The following AKR1C3 variants were observed in gnomAD, a reference collection of about 807,000 sequenced individuals.
The protein encoded by AKR1C3 is 3-alpha hydroxysteroid dehydrogenase, type II.
A neutral mutation model predicts 43.6 loss-of-function variants in AKR1C3; 48 were observed. The observed-to-expected ratio is 1.10, with a 90% CI of 0.87 to 1.40. AKR1C3 has a LOEUF of 1.40. Ranked by LOEUF, AKR1C3 falls within the 40% of genes most tolerant of loss-of-function variation. The pLI, the probability that AKR1C3 is intolerant of heterozygous loss-of-function variation, is 0.00. For synonymous variants in AKR1C3, 162 were observed against 139.6 expected, an observed-to-expected ratio of 1.16 and a Z score of -1.13; for missense variants, 482 against 391.2, an observed-to-expected ratio of 1.23 and a Z score of -1.96.
chr10:5,052,904 C>T (rs1838181499), intron 1 of AKR1C3, among the ~76,000 whole-genome samples: 1 of 149,816 alleles, frequency 6.7e-6, no homozygotes, highest in African/African-American at 2.5e-5. Context: ...TTTACAATCC[C>T]TTAGCTAGAC....
chr10:5,094,208 A>G (rs1839157566), upstream of AKR1C3: 2 of 308,610 alleles, frequency 6.5e-6, no homozygotes, highest in Non-Finnish European at 6.1e-6. Context: ...TAATGAGTTT[A>G]TTATAACCAT....
chr10:5,053,345 G>A (rs1334908364), intron 1 of AKR1C3, among the ~76,000 whole-genome samples: 2 of 152,234 alleles, frequency 1.3e-5, no homozygotes, highest in Non-Finnish European at 2.9e-5. Context: ...GCTGGCCCAG[G>A]TGCTAAGCCC....
rs972053379 is a variant in AKR1C3, at chr10:5,107,328, G to C, written c.930-133G>C. The C allele has an allele frequency of 1.7e-5, 11 of 661,038 alleles. No individual in the cohort carries two copies. In the East Asian group the frequency reaches 3.2e-4, roughly 19 times the overall value. 40.9% of individuals were successfully genotyped at this position (661,038 alleles called of 1,614,324 possible). The stretch of plus-strand genomic sequence containing the variant: ...TGTATTATGAAGCCATGTTCATAAA[G>C]GTAAGAAAGGCAGATTCTACAACTA... On this transcript the variant is annotated intron_variant, in intron 8 of 8. Coordinates refer to ENST00000380554, the MANE Select transcript of AKR1C3 (RefSeq NM_003739.6).
chr10:5,075,738 G>A (rs1471495837), intron 1 of AKR1C3, among the ~76,000 whole-genome samples: 1 of 152,136 alleles, frequency 6.6e-6, no homozygotes, highest in Non-Finnish European at 1.5e-5. Flanking sequence ...GCCGGGCATG[G>A]TGGTGCATGC....
At chr10:5,073,998 G>A (rs149988679) in intron 1 of AKR1C3, among the ~76,000 whole-genome samples, 48 of 151,564 alleles carry the variant, frequency 3.2e-4, no homozygotes, top group African/African-American at 8.5e-4. Context: ...AAAGTCACCC[G>A]TCTGCTCACC....
chr10:5,060,750 TG>T (rs1838366840), intron 1 of AKR1C3, among the ~76,000 whole-genome samples: 1 of 150,574 alleles, frequency 6.6e-6, no homozygotes, highest in Non-Finnish European at 1.5e-5. Flanking sequence ...TGGCACTTGT[TG>T]GGGAGGCTCA....
chr10:5,069,508 T>G (rs66500137), intron 1 of AKR1C3, among the ~76,000 whole-genome samples: 11,554 of 152,258 alleles, frequency 0.076, 614 homozygotes, highest in Non-Finnish European at 0.11. Flanking sequence ...TTCCAGCACA[T>G]TTTGCCTACT....
chr10:5,103,751 A>G (rs1403509104), intron 7 of AKR1C3, among the ~76,000 whole-genome samples: 3 of 152,306 alleles, frequency 2.0e-5, no homozygotes, highest in East Asian at 3.9e-4. Context: ...GCTTCTGGCA[A>G]ATATTACCCA....
chr10:5,055,250 G>A (rs1339052929), intron 1 of AKR1C3, among the ~76,000 whole-genome samples: 2 of 152,200 alleles, frequency 1.3e-5, no homozygotes, highest in Non-Finnish European at 2.9e-5. Context: ...ATTAGTTGAG[G>A]GGACTTCTAA....
chr10:5,097,733 C>T (rs570684197), intron 3 of AKR1C3, 183 bp downstream of exon 3: 10 of 1,406,072 alleles, frequency 7.1e-6, no homozygotes, highest in Non-Finnish European at 8.3e-6. Context: ...TTCTCTAATG[C>T]ACACCTACAA....
intron 1 of AKR1C3, among the ~76,000 whole-genome samples, chr10:5,056,770 A>G (rs1311782510): frequency 6.6e-6 from 1 of 152,172 alleles, no homozygotes; most frequent in East Asian, 1.9e-4. Flanking sequence ...TGGCTAATAT[A>G]TGCCTCCCTA....
intron 7 of AKR1C3, chr10:5,105,302 AATGTG>A (rs1564372859): frequency 7.0e-3 from 66 of 9,388 alleles, no homozygotes; most frequent in African/African-American, 0.02. Flanking sequence ...ATGTGGGCAC[AATGTG>A]ACCCTATCAT....
chr10:5,074,148 A>G (rs1188026340), intron 1 of AKR1C3, among the ~76,000 whole-genome samples: 1 of 152,164 alleles, frequency 6.6e-6, no homozygotes, highest in African/African-American at 2.4e-5. Flanking sequence ...GGACTGAACC[A>G]ATGTTCATCA....
chr10:5,106,881 C>G (rs954988269), intron 8 of AKR1C3, among the ~76,000 whole-genome samples: 1 of 149,778 alleles, frequency 6.7e-6, no homozygotes, highest in Admixed American at 6.7e-5. Context: ...TGGTAGATAT[C>G]ATTGTTAATA....
chr10:5,056,900 A>T (rs957671161), intron 1 of AKR1C3, among the ~76,000 whole-genome samples: 1 of 152,212 alleles, frequency 6.6e-6, no homozygotes, highest in African/African-American at 2.4e-5. Context: ...GATTCCTCGG[A>T]TGGTAACAGA....
At chr10:5,105,514 T>C in intron 7 of AKR1C3, 81 bp from the exon 8 acceptor site, 3 of 1,060,302 alleles carry the variant, frequency 2.8e-6, no homozygotes, top group Admixed American at 4.4e-5. Context: ...TTAAGTATTG[T>C]CTCTGCACCC....
At chr10:5,076,726 A>G (rs10752002) in intron 1 of AKR1C3, among the ~76,000 whole-genome samples, 132,068 of 152,178 alleles carry the variant, frequency 0.87, 57,526 homozygotes, top group African/African-American at 0.95. Context: ...TTTAGGCTCT[A>G]TAAGACATAT....
In AKR1C3 at chr10:5,107,587, A is replaced by G. The variant is rs587624828; in HGVS notation, c.*84A>G. ...GACGTCTCTATGCCGGTGACTGGAC[A>G]TATCACCTCTACTTAAATCCGTCCT... On this transcript the variant is annotated 3_prime_UTR_variant, in exon 9 of 9. Transcript: ENST00000380554. 5 of 1,088,538 alleles carry G rather than the reference A, an allele frequency of 4.6e-6. No individual in the cohort carries two copies. The highest frequency in any genetic ancestry group is 2.0e-5 in the Admixed American group (1 of 50,958). 67.4% of individuals were successfully genotyped at this position (1,088,538 alleles called of 1,614,324 possible). A position where few individuals can be genotyped will look rare whatever the true frequency, so the allele number is the denominator to read the frequency against.
At chr10:5,085,579 G>A (rs1356360882) in intron 1 of AKR1C3, among the ~76,000 whole-genome samples, 1 of 151,854 alleles carries the variant, frequency 6.6e-6, no homozygotes, top group Admixed American at 6.5e-5. Context: ...TCAGGATGAC[G>A]CTGGCCTCAT....
Sources: allele counts gnomAD v4.1 joint callset (sites outside exome capture counted in the v4.1 genomes callset), GRCh38; gene constraint gnomAD v4.1.1; transcripts MANE v1.5; gene names NCBI Gene and HGNC (gene_info 2026-07-23, HGNC 2026-07-21).